Variants in TDRD12 observed in about 807,000 individuals in gnomAD.
TDRD12 encodes putative ATP-dependent RNA helicase TDRD12.
A neutral mutation model predicts 133.5 loss-of-function variants in TDRD12; 158 were observed. The observed-to-expected ratio is 1.18, with a 90% CI of 1.04 to 1.35. The LOEUF (loss-of-function observed/expected upper bound fraction) is 1.35. Ranked by LOEUF, TDRD12 falls within the 40% of genes most tolerant of loss-of-function variation. The probability of loss-of-function intolerance (pLI) is 0.00; values close to 1 mark genes in which losing one functional copy is unlikely to be tolerated. For missense variants in TDRD12, 1,443 were observed against 1,321.3 expected (o/e 1.09, Z -1.43); for synonymous variants, 460 against 477.9 (o/e 0.96, Z 0.49).
At chr19:32,823,748 A>T (rs1026393074), downstream of TDRD12, among the ~76,000 whole-genome samples, 7 of 152,200 alleles carry the variant, frequency 4.6e-5, no homozygotes, top group East Asian at 3.8e-4. Context: ...TGGTCAGAGG[A>T]ACAGGGTCAT....
chr19:32,720,219 C>A, intron 1 of TDRD12, 123 bp downstream of exon 1: 2 of 1,067,480 alleles, frequency 1.9e-6, no homozygotes, highest in Non-Finnish European at 2.7e-6. Flanking sequence ...CGCAGCCCCG[C>A]ACAGCCTCCC....
intron 6 of TDRD12, among the ~76,000 whole-genome samples, chr19:32,753,624 C>T (rs1969901284): frequency 6.6e-6 from 1 of 151,990 alleles, no homozygotes; most frequent in Admixed American, 6.6e-5. Flanking sequence ...CTGCCTCAGC[C>T]TCCTGAGTAG....
At chr19:32,800,269 A>T (rs1294535390) in exon 17 of TDRD12, 4 of 1,535,292 alleles carry the variant, frequency 2.6e-6, no homozygotes, top group Non-Finnish European at 3.5e-6. Flanking sequence ...GAACAAACAT[A>T]TAGAACATCT....
At chr19:32,780,773 T>C (rs969952656) in intron 11 of TDRD12, among the ~76,000 whole-genome samples, 7 of 145,926 alleles carry the variant, frequency 4.8e-5, no homozygotes, top group Non-Finnish European at 1.0e-4. Context: ...TTAATAATTA[T>C]CTTGTTTTTT....
chr19:32,815,500 T>C, exon 26 of TDRD12: 1 of 1,536,554 alleles, frequency 6.5e-7, no homozygotes, highest in South Asian at 1.2e-5. Flanking sequence ...GATTATAATG[T>C]TCGAGCTGAA....
intron 11 of TDRD12, among the ~76,000 whole-genome samples, chr19:32,788,017 A>G (rs1970959669): frequency 6.6e-6 from 1 of 152,166 alleles, no homozygotes; most frequent in Admixed American, 6.5e-5. Flanking sequence ...CATCTTCTGC[A>G]TTGATCTTGC....
chr19:32,736,900 C>T (rs1256884075), intron 2 of TDRD12, among the ~76,000 whole-genome samples: 3 of 152,132 alleles, frequency 2.0e-5, no homozygotes, highest in African/African-American at 7.2e-5. Context: ...TGCTTCTTAA[C>T]TTACGATGAG....
At chr19:32,799,728 C>CTTTTTTTT (rs71176153) in intron 16 of TDRD12, among the ~76,000 whole-genome samples, 29 of 78,422 alleles carry the variant, frequency 3.7e-4, no homozygotes, top group African/African-American at 5.0e-4. Flanking sequence ...TAGTTTTTGC[C>CTTTTTTTT]TTTTTTTTTT....
At chr19:32,743,000 A>C (rs1267075477) in intron 4 of TDRD12, 100 bp downstream of exon 4, 1 of 1,408,740 alleles carries the variant, frequency 7.1e-7, no homozygotes. Context: ...AGTGCTGAGC[A>C]GGAGGTCTCT....
exon 1 of TDRD12, chr19:32,719,867 T>C: frequency 1.6e-6 from 1 of 617,370 alleles, no homozygotes; most frequent in Non-Finnish European, 2.9e-6. Context: ...ACGGAGCGCA[T>C]TGCCTCGAGC....
intron 1 of TDRD12, among the ~76,000 whole-genome samples, chr19:32,723,530 TG>T (rs1262079364): frequency 6.6e-6 from 1 of 152,138 alleles, no homozygotes; most frequent in African/African-American, 2.4e-5. Flanking sequence ...ATTACAAGCA[TG>T]AGCCACCGTG....
intron 11 of TDRD12, among the ~76,000 whole-genome samples, chr19:32,778,023 A>G (rs866476114): frequency 4.6e-5 from 7 of 150,912 alleles, no homozygotes; most frequent in Admixed American, 4.0e-4. Context: ...TGCCATTTTT[A>G]TACTTTTTAC....
intron 23 of TDRD12, among the ~76,000 whole-genome samples, chr19:32,810,502 T>G (rs1043707495): frequency 6.6e-6 from 1 of 152,218 alleles, no homozygotes; most frequent in African/African-American, 2.4e-5. Context: ...GCGTGCGACA[T>G]ACACATACAT....
intron 14 of TDRD12, 52 bp downstream of exon 14, chr19:32,794,865 T>TA: frequency 2.9e-6 from 2 of 681,888 alleles, no homozygotes; most frequent in South Asian, 3.1e-5. Flanking sequence ...ATATTTATTT[T>TA]AAAATTATAC....
chr19:32,821,376 G>GTGTGTGTA, downstream of TDRD12: 4 of 252,524 alleles, frequency 1.6e-5, no homozygotes, highest in Non-Finnish European at 2.7e-5. Flanking sequence ...CAGAGTGTGT[G>GTGTGTGTA]TGTGTGTGTG....
Position 32,746,889 on chromosome 19 carries a change from TGAGA to T in TDRD12, c.441-1571_441-1568del, listed in dbSNP as rs140171399. Among the ~76,000 whole-genome samples, 1,018 of 134,870 alleles carry T rather than the reference TGAGA, an allele frequency of 7.5e-3. 10 individuals carry two copies. Among genetic ancestry groups the T allele is most frequent in the African/African-American group, 0.025 (884 of 35,258 alleles). 88.5% of individuals were successfully genotyped at this position (134,870 alleles called of 152,430 possible). ...TGTGGTTATTCTGTGTGTGTGTGTG[TGAGA>T]GAGAGAGAGAGAGAGGGAGAGACTG... On this transcript the variant is annotated intron_variant, in intron 4 of 27. Transcript: ENST00000444215.
intron 6 of TDRD12, among the ~76,000 whole-genome samples, chr19:32,751,184 A>T (rs1288024481): frequency 7.5e-6 from 1 of 132,790 alleles, no homozygotes; most frequent in Non-Finnish European, 1.5e-5. Flanking sequence ...GCTGCCACTT[A>T]TAAGCGAGAA....
At chr19:32,730,424 G>T (rs1425950123) in intron 1 of TDRD12, among the ~76,000 whole-genome samples, 1 of 151,964 alleles carries the variant, frequency 6.6e-6, no homozygotes, top group Admixed American at 6.6e-5. Context: ...TCTCCTTCAG[G>T]TTCTGCTTGC....
chr19:32,794,905 C>G, intron 14 of TDRD12, 92 bp downstream of exon 14: 1 of 627,166 alleles, frequency 1.6e-6, no homozygotes, highest in Non-Finnish European at 2.9e-6. Context: ...TCGTCTATTA[C>G]TCAGTTTGGT....
Sources: allele counts gnomAD v4.1 joint callset (sites outside exome capture counted in the v4.1 genomes callset), GRCh38; gene constraint gnomAD v4.1.1; transcripts MANE v1.5; gene names NCBI Gene and HGNC (gene_info 2026-07-23, HGNC 2026-07-21).